Variants in FAP observed in about 807,000 individuals in gnomAD.
FAP encodes fibroblast activation protein alpha.
A neutral mutation model predicts 126.5 loss-of-function variants in FAP; 110 were observed. The observed-to-expected ratio is 0.87, with a 90% confidence interval of 0.74 to 1.02. The LOEUF (loss-of-function observed/expected upper bound fraction) is 1.02. Among genes scored for constraint, FAP ranks in the 50% least tolerant of loss-of-function variants. The pLI is 0.00. For synonymous variants in FAP, 334 were observed against 297.3 expected, an observed-to-expected ratio of 1.12 and a Z score of -1.27; for missense variants, 919 against 909.2, an observed-to-expected ratio of 1.01 and a Z score of -0.14.
chr2:162,226,371 C>A, intron 3 of FAP, 152 bp downstream of exon 3: 1 of 457,726 alleles, frequency 2.2e-6, no homozygotes. Flanking sequence ...TTGTCAAAAG[C>A]GCTTTTTTGA....
At chr2:162,214,348 A>G in intron 10 of FAP, among the ~76,000 whole-genome samples, 1 of 152,122 alleles carries the variant, frequency 6.6e-6, no homozygotes, top group East Asian at 1.9e-4. Flanking sequence ...AAAGAATTTA[A>G]AACATAATGT....
At chr2:162,190,786 G>C (rs904140677) in intron 17 of FAP, among the ~76,000 whole-genome samples, 1 of 152,078 alleles carries the variant, frequency 6.6e-6, no homozygotes, top group Non-Finnish European at 1.5e-5. Context: ...TCTCTGAAGA[G>C]AGAGAGCTGG....
Position 162,171,011 on chromosome 2 carries a change from A to G in FAP, c.2251T>C (p.Phe751Leu). 6.2e-7 allele frequency: 1 copy of G among 1,613,290 alleles called. No homozygotes were observed. The highest frequency in any genetic ancestry group is 8.5e-7 in the Non-Finnish European group (1 of 1,179,356). ...TNHLYTHMTH[F>L]LKQCFSLSD is the part of the protein sequence containing the mutation. ...GACAAAGAGAAACACTGCTTTAGGA[A>G]GTGGGTCATGTGGGTGTATAAGTGG... is the stretch of plus-strand genomic sequence containing the variant. Residue 751 changes from phenylalanine (F) to leucine (L), a missense_variant, in exon 26 of 26, where the codon TTC (phenylalanine) becomes CTC (leucine). Coordinates refer to ENST00000188790, the MANE Select transcript of FAP (RefSeq NM_004460.5).
chr2:162,172,748 T>C, intron 25 of FAP, 63 bp downstream of exon 25: 4 of 1,080,998 alleles, frequency 3.7e-6, no homozygotes, highest in Non-Finnish European at 4.3e-6. Context: ...AATAAAAATA[T>C]GAACCCCTCC....
intron 21 of FAP, among the ~76,000 whole-genome samples, chr2:162,182,271 T>G (rs1687718905): frequency 6.6e-6 from 1 of 152,164 alleles, no homozygotes; most frequent in Admixed American, 6.6e-5. Context: ...AAAGTCCAAC[T>G]CTAAGAGAAA....
At chr2:162,176,718 T>C (rs1408668622) in intron 21 of FAP, 1 of 152,122 alleles carries the variant, frequency 6.6e-6, no homozygotes, top group Non-Finnish European at 1.5e-5. Flanking sequence ...TTACTGCAAG[T>C]AAAAATACTG....
At chr2:162,207,902 G>A (rs910180934) in intron 12 of FAP, among the ~76,000 whole-genome samples, 3 of 149,586 alleles carry the variant, frequency 2.0e-5, no homozygotes, top group African/African-American at 7.4e-5. Flanking sequence ...TAGTAGACGG[G>A]GTTTCACAGT....
chr2:162,219,723 G>C, intron 7 of FAP, 130 bp downstream of exon 7: 1 of 700,190 alleles, frequency 1.4e-6, no homozygotes, highest in Non-Finnish European at 2.5e-6. Flanking sequence ...AACTCTTCCC[G>C]TTTTTAACCA....
At chr2:162,239,757 A>G (rs1032033756) in intron 2 of FAP, among the ~76,000 whole-genome samples, 1 of 152,224 alleles carries the variant, frequency 6.6e-6, no homozygotes, top group African/African-American at 2.4e-5. Context: ...GTTCATCACC[A>G]TGTGGGGCAC....
intron 25 of FAP, 178 bp downstream of exon 25, chr2:162,172,633 T>G (rs1430061261): frequency 1.8e-6 from 1 of 561,910 alleles, no homozygotes; most frequent in African/African-American, 1.9e-5. Context: ...CTGGTTTGCC[T>G]CGGGTCCTTC....
chr2:162,222,234 C>A lies in FAP; in HGVS notation c.413+1374G>T, dbSNP rs578067512. Among the ~76,000 whole-genome samples the A allele has an allele frequency of 5.3e-5, 8 of 152,280 alleles. No individual in the cohort carries two copies. The East Asian group carries it at 1.5e-3, about 29-fold the overall frequency. The stretch of plus-strand genomic sequence containing the variant: ...GAAACTGGACTGAAAGACTAAGATT[C>A]CCCACTCACTAATCGAACGTTTCTT... On this transcript the variant is annotated intron_variant, in intron 6 of 25. Coordinates refer to ENST00000188790, the MANE Select transcript of FAP (RefSeq NM_004460.5).
intron 2 of FAP, among the ~76,000 whole-genome samples, chr2:162,238,699 T>C (rs1171218825): frequency 6.6e-6 from 1 of 152,176 alleles, no homozygotes; most frequent in African/African-American, 2.4e-5. Flanking sequence ...GACTGAATGT[T>C]AGTCCTGGGA....
chr2:162,187,838 T>C (rs976648070), intron 20 of FAP, among the ~76,000 whole-genome samples: 4 of 152,076 alleles, frequency 2.6e-5, no homozygotes, highest in Admixed American at 6.6e-5. Flanking sequence ...ATATTTGTTT[T>C]CCTGAAGATC....
intron 2 of FAP, among the ~76,000 whole-genome samples, chr2:162,240,703 T>A (rs1576206859): frequency 6.6e-6 from 1 of 152,344 alleles, no homozygotes; most frequent in Admixed American, 6.5e-5. Flanking sequence ...GCTGAGGATA[T>A]GAGGGCACCT....
intron 9 of FAP, among the ~76,000 whole-genome samples, chr2:162,216,442 GC>G (rs1353740255): frequency 3.9e-5 from 6 of 152,080 alleles, no homozygotes; most frequent in Non-Finnish European, 8.8e-5. Context: ...TTTTGCTTTT[GC>G]CATATGATTT....
intron 25 of FAP, 161 bp from the exon 26 acceptor site, chr2:162,171,241 G>C (rs1298157571): frequency 1.8e-6 from 1 of 567,974 alleles, no homozygotes; most frequent in Non-Finnish European, 3.1e-6. Flanking sequence ...AATATTTACA[G>C]CAGGAAGAGC....
At chr2:162,174,773 A>G (rs1391838462) in intron 22 of FAP, 94 bp downstream of exon 22, 23 of 799,284 alleles carry the variant, frequency 2.9e-5, no homozygotes, top group Middle Eastern at 4.8e-4. Context: ...GCTGGGGTGA[A>G]TTTTACTGCA....
At chr2:162,175,089 T>A in intron 21 of FAP, 123 bp from the exon 22 acceptor site, 1 of 629,694 alleles carries the variant, frequency 1.6e-6, no homozygotes. Flanking sequence ...TAAGGGTGGA[T>A]TACATGTCTA....
In FAP at chr2:162,217,970, A is replaced by G; in HGVS notation, c.762+16T>C. ...TACCAGGAAAATGAAAGCATCGCTG[A>G]AAGTATTCAACATACCTTTGGGTAT... On this transcript the variant is annotated intron_variant, in intron 9 of 25. Transcript: ENST00000188790. The G allele has an allele frequency of 1.3e-6, 2 of 1,542,730 alleles. No homozygotes were observed. Among genetic ancestry groups the G allele is most frequent in the Non-Finnish European group, 1.7e-6 (2 of 1,143,074 alleles).
Sources: gnomAD v4.1 joint callset for allele counts (sites outside exome capture counted in the v4.1 genomes callset) on GRCh38, gnomAD v4.1.1 for gene constraint, MANE v1.5 for transcripts, NCBI Gene and HGNC (gene_info 2026-07-23, HGNC 2026-07-21) for gene names.